The following TBL1X variants were observed in gnomAD, a reference collection of about 807,000 sequenced individuals.
The protein encoded by TBL1X is F-box-like/WD repeat-containing protein TBL1X.
Under a neutral mutation model 50.7 loss-of-function variants are expected in TBL1X, and 10 were observed. That is an observed-to-expected ratio of 0.20 (90% confidence interval 0.12 to 0.33). The LOEUF (loss-of-function observed/expected upper bound fraction) is 0.33. Ranked by LOEUF, TBL1X falls within the 10% of genes least tolerant of loss-of-function variation. The probability of loss-of-function intolerance (pLI) is 1.00; values close to 1 mark genes in which losing one functional copy is unlikely to be tolerated. For synonymous variants in TBL1X, 190 were observed against 214.7 expected (o/e 0.88, Z 1.01); for missense variants, 340 against 504.4 (o/e 0.67, Z 3.12).
At position 9,488,988 on chromosome X, in the gene TBL1X, A is replaced by G. The variant is rs150844351; in HGVS notation, c.-200-12792A>G. 5.1e-3 allele frequency among the ~76,000 whole-genome samples: 570 copies of G among 110,987 alleles called. 6 individuals are homozygous for G. Among genetic ancestry groups the G allele is most frequent in the African/African-American group, 0.018 (553 of 30,449 alleles). On this transcript the variant is annotated intron_variant, in intron 1 of 17. Coordinates refer to ENST00000645353, the MANE Select transcript of TBL1X (RefSeq NM_005647.4). The stretch of plus-strand genomic sequence containing the variant: ...GGTTTGAGCCACCATGCTTGCCCTC[A>G]GTATTGATTCCCTCTGAATGAGCCA...
intron 12 of TBL1X, among the ~76,000 whole-genome samples, chrX:9,698,464 C>T (rs969879440): frequency 4.5e-5 from 5 of 111,865 alleles, no homozygotes; most frequent in Non-Finnish European, 7.5e-5. Context: ...GGCTCCTCTC[C>T]CAGTGGACTC....
intron 11 of TBL1X, among the ~76,000 whole-genome samples, chrX:9,695,529 T>A (rs1427999444): frequency 8.9e-6 from 1 of 112,694 alleles, no homozygotes; most frequent in Non-Finnish European, 1.9e-5. Context: ...AATTGCTGCT[T>A]GAGTTATTAA....
chrX:9,704,009 C>A (rs925758924), intron 12 of TBL1X, among the ~76,000 whole-genome samples: 1 of 111,566 alleles, frequency 9.0e-6, no homozygotes, highest in Non-Finnish European at 1.9e-5. Flanking sequence ...GTTGGATTCC[C>A]AGCTGCCATC....
chrX:9,699,673 C>A (rs1231711521), intron 12 of TBL1X, among the ~76,000 whole-genome samples: 5 of 111,515 alleles, frequency 4.5e-5, no homozygotes, highest in African/African-American at 1.6e-4. Context: ...AACCGAAGGT[C>A]CCGTCGAGGC....
chrX:9,528,689 C>T (rs971068170), intron 2 of TBL1X, among the ~76,000 whole-genome samples: 27 of 2,444 alleles, frequency 0.011, no homozygotes, highest in Admixed American at 0.061. Flanking sequence ...CAGGAGCTTG[C>T]GGGGGGAGGG....
chrX:9,625,985 G>C (rs1052906875), intron 2 of TBL1X, among the ~76,000 whole-genome samples: 14 of 111,642 alleles, frequency 1.3e-4, no homozygotes, highest in Admixed American at 1.1e-3. Flanking sequence ...GTAACGGGAA[G>C]CTGATGGGAC....
At chrX:9,502,864 C>T (rs150881012) in intron 2 of TBL1X, among the ~76,000 whole-genome samples, 1,338 of 112,431 alleles carry the variant, frequency 0.012, 11 homozygotes, top group Non-Finnish European at 0.018. Context: ...CAGAGAACAT[C>T]CCTCACCAAA....
chrX:9,465,006 A>T (rs1433131349), upstream of TBL1X: 1 of 105,873 alleles, frequency 9.4e-6, no homozygotes, highest in Non-Finnish European at 2.0e-5. Context: ...GCCGTGAGGG[A>T]GGGGCCGGCG....
At chrX:9,676,335 C>T (rs1030492101) in intron 5 of TBL1X, among the ~76,000 whole-genome samples, 14 of 111,850 alleles carry the variant, frequency 1.3e-4, no homozygotes, top group Admixed American at 1.1e-3. Flanking sequence ...AGCCGAGGCC[C>T]GTCCAAGGTT....
intron 2 of TBL1X, among the ~76,000 whole-genome samples, chrX:9,622,794 G>A (rs1456409016): frequency 8.9e-6 from 1 of 112,074 alleles, no homozygotes; most frequent in East Asian, 2.8e-4. Context: ...GTGCCACTGT[G>A]CCTGAACAGA....
chrX:9,528,446 T>A (rs762068647), intron 2 of TBL1X, among the ~76,000 whole-genome samples: 1 of 110,457 alleles, frequency 9.1e-6, no homozygotes, highest in East Asian at 2.9e-4. Context: ...GAATAGAGAC[T>A]GTGAGGCATT....
chrX:9,601,016 T>C (rs1259621518), intron 2 of TBL1X, among the ~76,000 whole-genome samples: 1 of 111,939 alleles, frequency 8.9e-6, no homozygotes, highest in Non-Finnish European at 1.9e-5. Flanking sequence ...ACTGGAATTT[T>C]TGTTGAACAG....
intron 2 of TBL1X, among the ~76,000 whole-genome samples, chrX:9,605,803 A>C (rs1201831584): frequency 8.9e-6 from 1 of 112,409 alleles, no homozygotes; most frequent in Non-Finnish European, 1.9e-5. Flanking sequence ...GCTTGAAGGC[A>C]GACAAGTCAA....
At chrX:9,715,838 G>A (rs1023860196) in intron 17 of TBL1X, among the ~76,000 whole-genome samples, 12 of 90,211 alleles carry the variant, frequency 1.3e-4, no homozygotes, top group Non-Finnish European at 2.1e-4. Context: ...TGGGGCAAGC[G>A]GCCGTTCTGG....
intron 13 of TBL1X, among the ~76,000 whole-genome samples, chrX:9,708,217 G>A (rs916389885): frequency 1.1e-4 from 12 of 111,392 alleles, no homozygotes; most frequent in Non-Finnish European, 1.7e-4. Flanking sequence ...TAGTGTCCCC[G>A]TCTCCCTTGG....
At chrX:9,494,565 C>T (rs1254563650) in intron 1 of TBL1X, among the ~76,000 whole-genome samples, 1 of 111,234 alleles carries the variant, frequency 9.0e-6, no homozygotes, top group Non-Finnish European at 1.9e-5. Flanking sequence ...TAGACTTCTT[C>T]AACTTCAAAA....
chrX:9,567,592 C>T lies in TBL1X; in HGVS notation c.-131+65743C>T, dbSNP rs747525288. Among the ~76,000 whole-genome samples, 6 of 112,084 alleles carry T rather than the reference C, an allele frequency of 5.4e-5. No homozygotes were observed. In the East Asian group the frequency reaches 1.4e-3, roughly 26 times the overall value. ...GGTTGTCCAGTATTTTGGTGCTGCA[C>T]CAGGAGAGTGCCATCTGCAGTCTGC... is the stretch of plus-strand genomic sequence containing the variant. On this transcript the variant is annotated intron_variant, in intron 2 of 17. Coordinates refer to ENST00000645353, the MANE Select transcript of TBL1X (RefSeq NM_005647.4).
chrX:9,553,774 C>T (rs955764104), intron 2 of TBL1X, among the ~76,000 whole-genome samples: 6 of 111,666 alleles, frequency 5.4e-5, no homozygotes, highest in Non-Finnish European at 7.5e-5. Context: ...GGAAAATAAA[C>T]GTACAAAATT....
intron 2 of TBL1X, among the ~76,000 whole-genome samples, chrX:9,571,176 C>T (rs2082384425): frequency 9.0e-6 from 1 of 111,647 alleles, no homozygotes; most frequent in Non-Finnish European, 1.9e-5. Flanking sequence ...GCCTCTCCTC[C>T]TGGCTTGCAG....
Sources: allele counts gnomAD v4.1 joint callset (sites outside exome capture counted in the v4.1 genomes callset), GRCh38; gene constraint gnomAD v4.1.1; transcripts MANE v1.5; gene names NCBI Gene and HGNC (gene_info 2026-07-23, HGNC 2026-07-21).